The following PDSS1 variants were observed in gnomAD, a reference collection of about 807,000 sequenced individuals.
PDSS1 encodes the protein decaprenyl diphosphate synthase subunit 1.
PDSS1 carries 43 observed loss-of-function variants against 57.5 expected under a neutral mutation model. The observed-to-expected ratio is 0.75, with a 90% CI of 0.59 to 0.96. PDSS1 has a LOEUF of 0.96. Ranked by LOEUF, PDSS1 falls within the 50% of genes least tolerant of loss-of-function variation. The probability of loss-of-function intolerance (pLI) is 0.00; values close to 1 mark genes in which losing one functional copy is unlikely to be tolerated. For missense variants in PDSS1, 438 were observed against 527.8 expected (o/e 0.83, Z 1.67); for synonymous variants, 175 against 191.3 (o/e 0.91, Z 0.70).
At chr10:26,716,379 T>C (rs1396732948) in intron 5 of PDSS1, among the ~76,000 whole-genome samples, 1 of 152,208 alleles carries the variant, frequency 6.6e-6, no homozygotes, top group African/African-American at 2.4e-5. Flanking sequence ...TTTTTAGGTA[T>C]GTTTGAAACT....
At chr10:26,704,792 T>C (rs768241034) in intron 3 of PDSS1, 51 bp downstream of exon 3, 1 of 1,028,642 alleles carries the variant, frequency 9.7e-7, no homozygotes, top group East Asian at 2.4e-5. Flanking sequence ...TTTTTAAATT[T>C]ATTGTTGTTT....
Position 26,711,063 on chromosome 10 carries a change from G to A in PDSS1, c.467+1295G>A, listed in dbSNP as rs1471981308. Reference sequence around the variant, plus strand: ...AGAGTCATGCACTGACGGGGGATCTGGGGGCATGTCTCAGAATCCACCACA... The same window carrying A: ...AGAGTCATGCACTGACGGGGGATCTAGGGGCATGTCTCAGAATCCACCACA... On this transcript the variant is annotated intron_variant, in intron 5 of 11. Coordinates refer to ENST00000376215, the MANE Select transcript of PDSS1 (RefSeq NM_014317.5). Among the ~76,000 whole-genome samples the A allele has an allele frequency of 4.1e-5, 4 of 98,502 alleles. 2 individuals carry two copies. The highest frequency in any genetic ancestry group is 1.3e-4 in the African/African-American group (4 of 30,376). The allele number at this position is 98,502 out of a possible 152,430, so 64.6% of individuals were successfully genotyped here.
chr10:26,736,641 G>A (rs1169523471), intron 10 of PDSS1, among the ~76,000 whole-genome samples: 1 of 152,122 alleles, frequency 6.6e-6, no homozygotes, highest in Non-Finnish European at 1.5e-5. Flanking sequence ...TCCCAGGGGA[G>A]GCTGACGTTC....
At chr10:26,709,866 A>G in intron 5 of PDSS1, 98 bp downstream of exon 5, 1 of 1,334,886 alleles carries the variant, frequency 7.5e-7, no homozygotes, top group South Asian at 1.2e-5. Flanking sequence ...GAATTAGCAT[A>G]TACCGGCTGG....
Position 26,704,668 on chromosome 10 carries a change from AT to A in PDSS1, c.163-5del, listed in dbSNP as rs34296355. 0.32 allele frequency: 368,424 copies of A among 1,155,232 alleles called. 62,092 individuals carry two copies. The highest frequency in any genetic ancestry group is 0.38 in the East Asian group (16,164 of 42,600). The allele number at this position is 1,155,232 out of a possible 1,614,324, so 71.6% of individuals were successfully genotyped here. A position where few individuals can be genotyped will look rare whatever the true frequency, so the allele number is the denominator to read the frequency against. On this transcript the variant is annotated splice_polypyrimidine_tract_variant and splice_region_variant and intron_variant, in intron 2 of 11. Coordinates refer to ENST00000376215, the MANE Select transcript of PDSS1 (RefSeq NM_014317.5). ...TTCTTACAAGTTTCTTGACATTTTT[AT>A]TTTATAGATACCCTATATTAATCTT...
chr10:26,699,461 C>G (rs1356285938), intron 1 of PDSS1, among the ~76,000 whole-genome samples: 2 of 149,934 alleles, frequency 1.3e-5, no homozygotes, highest in African/African-American at 4.9e-5. Context: ...GTGGCGGAAT[C>G]TCGGCTCACT....
chr10:26,746,472 G>GACA lies in PDSS1; in HGVS notation c.*2_*4dup, dbSNP rs777891711. On this transcript the variant is annotated inframe_insertion and stop_retained_variant, in exon 12 of 12. Transcript: ENST00000376215. ...GAAATTGTACTCACAAGAGATAAAT[G>GACA]ACAACTCTTTCTGTTCTTTCTGGCA... 4 of 1,614,010 alleles carry GACA rather than the reference G, an allele frequency of 2.5e-6. No individual in the cohort carries two copies. Among genetic ancestry groups the GACA allele is most frequent in the East Asian group, 2.2e-5 (1 of 44,870 alleles).
At chr10:26,725,614 A>G (rs1835926294) in intron 8 of PDSS1, among the ~76,000 whole-genome samples, 1 of 152,144 alleles carries the variant, frequency 6.6e-6, no homozygotes, top group Non-Finnish European at 1.5e-5. Flanking sequence ...TTTTACAGTA[A>G]TCCTTTACAT....
chr10:26,701,292 T>C (rs145510236), intron 1 of PDSS1, among the ~76,000 whole-genome samples: 1 of 152,224 alleles, frequency 6.6e-6, no homozygotes. Context: ...GACATTTGCA[T>C]AAGTAACAAG....
intron 6 of PDSS1, among the ~76,000 whole-genome samples, chr10:26,723,196 G>A (rs1835844286): frequency 6.6e-6 from 1 of 152,164 alleles, no homozygotes; most frequent in Admixed American, 6.5e-5. Flanking sequence ...TGACCAGACT[G>A]AGGGATCGGG....
intron 5 of PDSS1, chr10:26,718,673 A>G (rs982763904): frequency 1.3e-5 from 2 of 150,444 alleles, no homozygotes; most frequent in African/African-American, 4.9e-5. Context: ...AGGCAGGAGA[A>G]TGGCTTGAAC....
intron 4 of PDSS1, among the ~76,000 whole-genome samples, chr10:26,709,298 G>A (rs1048577555): frequency 6.6e-6 from 1 of 152,194 alleles, no homozygotes; most frequent in Non-Finnish European, 1.5e-5. Flanking sequence ...GGTGGCTCAC[G>A]CCTGTAATCC....
At chr10:26,727,966 C>G (rs1836016527) in intron 8 of PDSS1, among the ~76,000 whole-genome samples, 1 of 152,158 alleles carries the variant, frequency 6.6e-6, no homozygotes, top group Non-Finnish European at 1.5e-5. Flanking sequence ...GGCAGGAATA[C>G]CACAAGAGCG....
chr10:26,745,794 C>G (rs1279481807), intron 11 of PDSS1, among the ~76,000 whole-genome samples: 1 of 151,720 alleles, frequency 6.6e-6, no homozygotes, highest in Non-Finnish European at 1.5e-5. Flanking sequence ...TTGCAGTGAG[C>G]CAAGATCATG....
chr10:26,742,907 A>G (rs913171369), intron 11 of PDSS1, among the ~76,000 whole-genome samples: 2 of 152,174 alleles, frequency 1.3e-5, no homozygotes, highest in African/African-American at 4.8e-5. Context: ...GTCCATCAAC[A>G]GAATCACTGG....
rs568496222 is a variant in PDSS1, at chr10:26,701,779, G to A, written c.130-383G>A. 380 of 453,882 alleles carry A rather than the reference G, an allele frequency of 8.4e-4. 1 individual carries two copies. The highest frequency in any genetic ancestry group is 1.1e-3 in the Non-Finnish European group (257 of 226,716). The allele number at this position is 453,882 out of a possible 1,614,324, so 28.1% of individuals were successfully genotyped here. On this transcript the variant is annotated intron_variant, in intron 1 of 11. Coordinates refer to ENST00000376215, the MANE Select transcript of PDSS1 (RefSeq NM_014317.5). The stretch of plus-strand genomic sequence containing the variant: ...TGCTGGGGCACTGCCTAATGGAGCT[G>A]TGAAAGGAGGGCCACCGTGCTCTAG...
chr10:26,709,734 G>A lies in PDSS1; in HGVS notation c.433G>A (p.Ala145Thr). ...AFRPIIVALM[A>T]RACNIHHNNS... The stretch of plus-strand genomic sequence containing the variant: ...TCGACCAATTATTGTGGCGCTAATG[G>A]CCCGAGCATGCAATATTCATCATAA... The change falls in exon 5 of 12, where the codon GCC (alanine) becomes ACC (threonine). Residue 145 changes from alanine to threonine, a missense_variant. Around this residue, in one of 2 missense-constraint regions of PDSS1, gnomAD observed 284 missense variants for 390.7 expected, o/e 0.73. Coordinates refer to ENST00000376215, the MANE Select transcript of PDSS1 (RefSeq NM_014317.5). The A allele has an allele frequency of 5.6e-6, 9 of 1,613,960 alleles. No homozygotes were observed. Among genetic ancestry groups the A allele is most frequent in the Non-Finnish European group, 7.6e-6 (9 of 1,179,894 alleles).
intron 8 of PDSS1, among the ~76,000 whole-genome samples, chr10:26,733,503 A>G (rs1836286407): frequency 6.6e-6 from 1 of 152,044 alleles, no homozygotes; most frequent in Admixed American, 6.6e-5. Flanking sequence ...GGTGCATGCA[A>G]TTTTACCATG....
At chr10:26,706,557 CTT>C (rs1588671755) in intron 4 of PDSS1, among the ~76,000 whole-genome samples, 2 of 152,322 alleles carry the variant, frequency 1.3e-5, no homozygotes, top group East Asian at 3.9e-4. Flanking sequence ...TGTCTGCAAA[CTT>C]TCATTGGCAT....
Sources: gnomAD v4.1 joint callset for allele counts (sites outside exome capture counted in the v4.1 genomes callset) on GRCh38, gnomAD v4.1.1 for gene constraint, gnomAD v4.1.1 regional missense constraint, MANE v1.5 for transcripts, NCBI Gene and HGNC (gene_info 2026-07-23, HGNC 2026-07-21) for gene names.